The following SMYD3 variants were observed in gnomAD, a reference collection of about 807,000 sequenced individuals.
SMYD3 encodes the protein histone-lysine N-methyltransferase SMYD3.
SMYD3 carries 36 observed loss-of-function variants against 57.7 expected under a neutral mutation model. The observed-to-expected ratio is 0.62, with a 90% confidence interval of 0.48 to 0.82. The LOEUF (loss-of-function observed/expected upper bound fraction) is 0.82, where lower values mean the gene tolerates loss of function less well. Among genes scored for constraint, SMYD3 ranks in the 40% least tolerant of loss-of-function variants. The pLI, the probability that SMYD3 is intolerant of heterozygous loss-of-function variation, is 0.00. For synonymous variants in SMYD3, 211 were observed against 195.0 expected (o/e 1.08, Z -0.68); for missense variants, 515 against 538.8 (o/e 0.96, Z 0.44).
At chr1:246,215,467 C>T (rs1380706631) in intron 5 of SMYD3, among the ~76,000 whole-genome samples, 3 of 151,862 alleles carry the variant, frequency 2.0e-5, no homozygotes, top group Non-Finnish European at 4.4e-5. Flanking sequence ...TTTTTTAATG[C>T]TGAGCCATCT....
chr1:245,933,767 A>G (rs1466815176), intron 5 of SMYD3, among the ~76,000 whole-genome samples: 1 of 152,224 alleles, frequency 6.6e-6, no homozygotes, highest in Non-Finnish European at 1.5e-5. Flanking sequence ...TGAAATTCTT[A>G]GGACTAAAGG....
chr1:246,130,596 G>A (rs1462270241), intron 5 of SMYD3, among the ~76,000 whole-genome samples: 4 of 152,014 alleles, frequency 2.6e-5, no homozygotes, highest in African/African-American at 7.2e-5. Context: ...TTTTATTCTC[G>A]TTATATAACA....
chr1:246,212,416 A>G (rs2063104702), intron 5 of SMYD3, among the ~76,000 whole-genome samples: 1 of 152,170 alleles, frequency 6.6e-6, no homozygotes, highest in South Asian at 2.1e-4. Context: ...AATAATTCCT[A>G]TAATGTTAAC....
intron 5 of SMYD3, among the ~76,000 whole-genome samples, chr1:245,994,892 C>T (rs1222120415): frequency 7.2e-5 from 11 of 151,926 alleles, no homozygotes; most frequent in Admixed American, 6.6e-5. Flanking sequence ...TTTGGGAGGC[C>T]GAGGTGGGTG....
intron 1 of SMYD3, among the ~76,000 whole-genome samples, chr1:246,429,088 G>A (rs1217289045): frequency 6.8e-6 from 1 of 147,188 alleles, no homozygotes; most frequent in Non-Finnish European, 1.5e-5. Flanking sequence ...AACCACCGTA[G>A]ACAGGGAATA....
chr1:246,305,211 A>G (rs922734084), intron 5 of SMYD3, among the ~76,000 whole-genome samples: 1 of 152,234 alleles, frequency 6.6e-6, no homozygotes, highest in Non-Finnish European at 1.5e-5. Flanking sequence ...GACCTCATTC[A>G]GTGAAACAAT....
chr1:245,891,797 G>T (rs9287197), intron 8 of SMYD3, among the ~76,000 whole-genome samples: 4 of 152,236 alleles, frequency 2.6e-5, no homozygotes, highest in Non-Finnish European at 5.9e-5. Context: ...AATCCCAACA[G>T]TTTGGGAGGC....
At chr1:245,796,938 G>A (rs1376055744) in intron 10 of SMYD3, among the ~76,000 whole-genome samples, 1 of 152,190 alleles carries the variant, frequency 6.6e-6, no homozygotes, top group Non-Finnish European at 1.5e-5. Context: ...GAAAGGCCAT[G>A]ACTTAAGGTG....
At chr1:245,812,115 T>C (rs1934582) in intron 10 of SMYD3, among the ~76,000 whole-genome samples, 97,955 of 152,046 alleles carry the variant, frequency 0.64, 35,361 homozygotes, top group Non-Finnish European at 0.83. Flanking sequence ...GGGATACGAG[T>C]CTGCAGGCCA....
chr1:245,988,827 T>A (rs13376527), intron 5 of SMYD3, among the ~76,000 whole-genome samples: 21,345 of 152,138 alleles, frequency 0.14, 1,634 homozygotes, highest in South Asian at 0.23. Context: ...GCTTTTTTTG[T>A]CAGTAGGAGG....
chr1:246,331,666 A>AC (rs1285285746), intron 3 of SMYD3, among the ~76,000 whole-genome samples: 1 of 152,232 alleles, frequency 6.6e-6, no homozygotes, highest in African/African-American at 2.4e-5. Context: ...ACACAGGCAT[A>AC]CCTCATTTTA....
chr1:245,957,701 C>A (rs747031365), intron 5 of SMYD3, among the ~76,000 whole-genome samples: 1 of 152,180 alleles, frequency 6.6e-6, no homozygotes, highest in African/African-American at 2.4e-5. Flanking sequence ...CCTCCATATA[C>A]GTCAACCAAA....
chr1:246,292,638 T>G (rs2064717862), intron 5 of SMYD3, among the ~76,000 whole-genome samples: 1 of 152,218 alleles, frequency 6.6e-6, no homozygotes, highest in Non-Finnish European at 1.5e-5. Flanking sequence ...ATATAAATTT[T>G]GTAGGGATAT....
intron 5 of SMYD3, among the ~76,000 whole-genome samples, chr1:246,005,730 G>A (rs1422333919): frequency 1.3e-5 from 2 of 152,146 alleles, no homozygotes; most frequent in Non-Finnish European, 2.9e-5. Flanking sequence ...CACAAACAGA[G>A]AATCCTATGA....
At chr1:246,298,931 T>C (rs954283108) in intron 5 of SMYD3, among the ~76,000 whole-genome samples, 6 of 152,134 alleles carry the variant, frequency 3.9e-5, no homozygotes, top group Non-Finnish European at 5.9e-5. Flanking sequence ...ACTTTTAAGA[T>C]TGGCAAGGAT....
chr1:246,273,163 G>GTTTTTTTTTTTTTT (rs368350320), intron 5 of SMYD3, among the ~76,000 whole-genome samples: 1 of 51,216 alleles, frequency 2.0e-5, no homozygotes, highest in Non-Finnish European at 3.6e-5. Flanking sequence ...CTTTTTTTTG[G>GTTTTTTTTTTTTTT]GGGGGGGACA....
rs893343366 is a variant in SMYD3, at chr1:246,091,237, T to G, written c.532-161300A>C. Among the ~76,000 whole-genome samples, 7 of 152,170 alleles carry G rather than the reference T, an allele frequency of 4.6e-5. No individual in the cohort carries two copies. In the East Asian group the frequency reaches 1.3e-3, roughly 29 times the overall value. ...CTTTCATGAAGGACTTAGCCATCGC[T>G]TGAAGCTGGAAGAGGTTCTGGAGCA... On this transcript the variant is annotated intron_variant, in intron 5 of 11. Transcript: ENST00000490107.
chr1:246,000,042 T>G (rs967521466), intron 5 of SMYD3, among the ~76,000 whole-genome samples: 1 of 152,262 alleles, frequency 6.6e-6, no homozygotes, highest in African/African-American at 2.4e-5. Flanking sequence ...AGATAGGCTA[T>G]GACTGTTCTT....
chr1:246,244,051 T>C (rs1188364526), intron 5 of SMYD3, among the ~76,000 whole-genome samples: 1 of 133,268 alleles, frequency 7.5e-6, no homozygotes, highest in Non-Finnish European at 1.6e-5. Context: ...ATGGGACTCA[T>C]ATATATATAT....
Sources: gnomAD v4.1 joint callset for allele counts (sites outside exome capture counted in the v4.1 genomes callset) on GRCh38, gnomAD v4.1.1 for gene constraint, MANE v1.5 for transcripts, NCBI Gene and HGNC (gene_info 2026-07-23, HGNC 2026-07-21) for gene names.